Variants in INTS8 observed in about 807,000 individuals in gnomAD.
INTS8 encodes protein kaonashi-1.
In INTS8, 47 loss-of-function variants were observed where a neutral mutation model predicts 138.9. The ratio of observed to expected loss-of-function variants is 0.34; its 90% confidence interval spans 0.27 to 0.43. INTS8 has a LOEUF of 0.43. Among genes scored for constraint, INTS8 ranks in the 20% least tolerant of loss-of-function variants. INTS8 has a pLI of 1.00. For missense variants in INTS8, 996 were observed against 1,173.0 expected, an observed-to-expected ratio of 0.85 and a Z score of 2.20; for synonymous variants, 392 against 400.9, an observed-to-expected ratio of 0.98 and a Z score of 0.27.
At chr8:94,826,511 G>C (rs941872840) in intron 2 of INTS8, among the ~76,000 whole-genome samples, 3 of 152,174 alleles carry the variant, frequency 2.0e-5, no homozygotes, top group South Asian at 2.1e-4. Context: ...ATAGCAATGG[G>C]TACAAAGAAG....
intron 1 of INTS8, 34 bp from the exon 2 acceptor site, chr8:94,824,859 T>G: frequency 7.2e-7 from 1 of 1,394,996 alleles, no homozygotes. Context: ...AATTAAAACT[T>G]AAATTTAAGA....
rs555845176 is a variant in INTS8, at chr8:94,829,230, C to T, written c.570+204C>T. Reference sequence around the variant, plus strand: ...GTGTACTTTATTTCCATTATTATTACGTTGTAATATATATGGAAATAATTA... The same window carrying T: ...GTGTACTTTATTTCCATTATTATTATGTTGTAATATATATGGAAATAATTA... On this transcript the variant is annotated intron_variant, in intron 5 of 26. Coordinates refer to ENST00000523731, the MANE Select transcript of INTS8 (RefSeq NM_017864.4). Among the ~76,000 whole-genome samples, 8 of 151,924 alleles carry T rather than the reference C, an allele frequency of 5.3e-5. No homozygotes were observed. The South Asian group carries it at 1.2e-3, about 24-fold the overall frequency.
At position 94,871,899 on chromosome 8, in the gene INTS8, C is replaced by A; in HGVS notation, c.2430C>A (p.Asp810Glu). 1 of 1,591,140 alleles carries A rather than the reference C, an allele frequency of 6.3e-7. No individual in the cohort carries two copies. The highest frequency in any genetic ancestry group is 8.6e-7 in the Non-Finnish European group (1 of 1,160,252). ...PSSIPNLQSV[D>E]FEAVAITVKE... ...TTCCTTTTAGCCTCCAGTCTGTGGA[C>A]TTTGAAGCTGTGGCAATCACAGTGA... Residue 810 changes from aspartate to glutamate, a missense_variant, in exon 21 of 27, where the codon GAC becomes GAA. Transcript: ENST00000523731.
chr8:94,877,952 A>G (rs372769667), intron 26 of INTS8, among the ~76,000 whole-genome samples: 1 of 152,220 alleles, frequency 6.6e-6, no homozygotes, highest in Middle Eastern at 3.4e-3. Context: ...GTACCGATTC[A>G]GTTGGTCTGA....
chr8:94,873,052 C>T (rs554675350), intron 21 of INTS8, among the ~76,000 whole-genome samples: 1 of 152,134 alleles, frequency 6.6e-6, no homozygotes, highest in Non-Finnish European at 1.5e-5. Context: ...CACCCCAGCC[C>T]CCAAAAGAAG....
At chr8:94,840,559 GTT>G (rs11395069) in intron 8 of INTS8, among the ~76,000 whole-genome samples, 2 of 136,492 alleles carry the variant, frequency 1.5e-5, no homozygotes, top group Non-Finnish European at 3.1e-5. Flanking sequence ...TTTTTAATTA[GTT>G]TTTTTTTTTT....
At chr8:94,854,614 A>G (rs1204157813) in intron 14 of INTS8, among the ~76,000 whole-genome samples, 1 of 152,228 alleles carries the variant, frequency 6.6e-6, no homozygotes, top group Non-Finnish European at 1.5e-5. Context: ...CAGTTGCGTG[A>G]CTGATCATAC....
At chr8:94,860,579 CA>C (rs58945163) in intron 16 of INTS8, among the ~76,000 whole-genome samples, 5,364 of 39,628 alleles carry the variant, frequency 0.14, 78 homozygotes, top group African/African-American at 0.2. Context: ...AACTCTACCT[CA>C]AAAAAAAAAA....
chr8:94,852,903 C>T (rs117294336), intron 13 of INTS8, among the ~76,000 whole-genome samples: 5,157 of 152,094 alleles, frequency 0.034, 90 homozygotes, highest in Non-Finnish European at 0.04. Context: ...CCACTGTGCC[C>T]GACCTGTATT....
intron 10 of INTS8, among the ~76,000 whole-genome samples, chr8:94,842,764 T>G (rs1815182210): frequency 6.6e-6 from 1 of 152,202 alleles, no homozygotes; most frequent in African/African-American, 2.4e-5. Context: ...TTCATAGAAC[T>G]TTTGTCCTTG....
chr8:94,878,892 A>G (rs565316103), intron 26 of INTS8, among the ~76,000 whole-genome samples: 64 of 151,638 alleles, frequency 4.2e-4, no homozygotes, highest in Non-Finnish European at 7.5e-4. Flanking sequence ...TACTTTCTCT[A>G]TTTCTTCCTT....
chr8:94,832,901 G>T (rs1331740264), intron 6 of INTS8, among the ~76,000 whole-genome samples: 3 of 152,040 alleles, frequency 2.0e-5, no homozygotes, highest in African/African-American at 7.2e-5. Context: ...TGATCCGCCC[G>T]CCTCGGTCTC....
intron 23 of INTS8, among the ~76,000 whole-genome samples, chr8:94,875,475 G>A (rs1287287416): frequency 6.6e-6 from 1 of 152,120 alleles, no homozygotes; most frequent in Non-Finnish European, 1.5e-5. Flanking sequence ...AGGTGAGAGG[G>A]AATGGAGAGT....
intron 16 of INTS8, among the ~76,000 whole-genome samples, chr8:94,864,241 T>C (rs1309391329): frequency 6.6e-6 from 1 of 152,158 alleles, no homozygotes; most frequent in Non-Finnish European, 1.5e-5. Flanking sequence ...ATTTTTGTCC[T>C]TGTCACAATC....
chr8:94,876,424 T>C, intron 25 of INTS8, 22 bp from the exon 26 acceptor site: 1 of 1,490,288 alleles, frequency 6.7e-7, no homozygotes, highest in Non-Finnish European at 9.2e-7. Context: ...ATCAGATTTA[T>C]TTTCCTTAAC....
intron 7 of INTS8, among the ~76,000 whole-genome samples, chr8:94,837,698 G>C (rs1814977284): frequency 6.6e-6 from 1 of 151,874 alleles, no homozygotes; most frequent in Non-Finnish European, 1.5e-5. Context: ...TTTTAACACT[G>C]TTTGCTCTTT....
chr8:94,832,082 G>C lies in INTS8; in HGVS notation c.661G>C (p.Asp221His). 1 of 1,613,856 alleles carries C rather than the reference G, an allele frequency of 6.2e-7. No individual in the cohort carries two copies. The highest frequency in any genetic ancestry group is 8.5e-7 in the Non-Finnish European group (1 of 1,179,872). ...TTATGTCCATACGATGAGAACTCTA[G>C]ATTTATTGGCCATGGAACCAGGCAT... ...DLYVHTMRTL[D>H]LLAMEPGMVN... Residue 221 changes from aspartate to histidine, a missense_variant, in exon 6 of 27, where the codon GAT (aspartate) becomes CAT (histidine). By Grantham distance (81) the Asp-to-His change is moderately conservative. Transcript: ENST00000523731.
rs376011405 is a variant in INTS8 at position 94,865,613 on chromosome 8, C to T, written c.2184C>T (p.Ser728=). 6 of 1,613,980 alleles carry T rather than the reference C, an allele frequency of 3.7e-6. No homozygotes were observed. Among genetic ancestry groups the T allele is most frequent in the Non-Finnish European group, 5.1e-6 (6 of 1,179,900 alleles). The part of the protein sequence containing the change: ...WEVVVQICSV[S]SQHKRGNDGR... ...TTGTTGTTCAAATCTGTAGTGTGTC[C>T]AGTCAGCACAAACGAGGAAATGATG... is the stretch of plus-strand genomic sequence containing the variant. Residue 728 remains serine (S), a synonymous_variant, in exon 17 of 27, where the codon TCC becomes TCT. Transcript: ENST00000523731.
At chr8:94,843,052 G>C (rs1322233489) in intron 10 of INTS8, among the ~76,000 whole-genome samples, 4 of 152,148 alleles carry the variant, frequency 2.6e-5, no homozygotes, top group African/African-American at 7.2e-5. Context: ...ACCTTCCCTT[G>C]AGGTAGCTAC....
Sources: gnomAD v4.1 joint callset for allele counts (sites outside exome capture counted in the v4.1 genomes callset) on GRCh38, gnomAD v4.1.1 for gene constraint, MANE v1.5 for transcripts, NCBI Gene and HGNC (gene_info 2026-07-23, HGNC 2026-07-21) for gene names.